DDAH1: variants seen among roughly 807,000 people sequenced by gnomAD.
DDAH1 encodes the protein dimethylarginine dimethylaminohydrolase 1, also known as N(G),N(G)-dimethylarginine dimethylaminohydrolase 1.
A neutral mutation model predicts 28.8 loss-of-function variants in DDAH1; 19 were observed. The ratio of observed to expected loss-of-function variants is 0.66; its 90% CI spans 0.46 to 0.97. DDAH1 has a LOEUF of 0.97. Among genes scored for constraint, DDAH1 ranks in the 50% least tolerant of loss-of-function variants. The pLI is 0.00. For synonymous variants in DDAH1, 153 were observed against 154.4 expected, an observed-to-expected ratio of 0.99 and a Z score of 0.07; for missense variants, 326 against 375.9, an observed-to-expected ratio of 0.87 and a Z score of 1.10.
At position 85,465,004 on chromosome 1, in the gene DDAH1, G is replaced by A. The variant is rs761217562; in HGVS notation, c.42C>T (p.Thr14=). 1.5e-6 allele frequency: 2 copies of A among 1,362,300 alleles called. No individual in the cohort carries two copies. Among genetic ancestry groups the A allele is most frequent in the South Asian group, 3.6e-5 (2 of 56,098 alleles). 84.4% of individuals were successfully genotyped at this position (1,362,300 alleles called of 1,614,324 possible). ...CGGGTAGCGCCCGCACCACGGCGTG[G>A]GTGGCCCGGCCGAAGGCGGCGGGGT... ...LGHPAAFGRA[T]HAVVRALPES... The change falls in exon 1 of 6, where the codon ACC becomes ACT. Residue 14 remains threonine (T), a synonymous_variant. Transcript: ENST00000284031.
rs1427485138 is a variant in DDAH1, at chr1:85,536,000, CTTGTAATCCCATCACT to C, written c.-122-39735_-122-39720del. 3.0e-4 allele frequency among the ~76,000 whole-genome samples: 46 copies of C among 152,282 alleles called. No homozygotes were observed. In the East Asian group the frequency reaches 8.5e-3, roughly 28 times the overall value. On this transcript the variant is annotated intron_variant, in intron 1 of 6. Transcript: ENST00000426972. ...ACGAGGCCGGGTGTGGTGGCTTGTG[CTTGTAATCCCATCACT>C]TTGGGAGGCTAAGTTGGGCGGATCA...
At chr1:85,470,948 G>A (rs1655597247) in intron 2 of DDAH1, among the ~76,000 whole-genome samples, 1 of 152,178 alleles carries the variant, frequency 6.6e-6, no homozygotes, top group South Asian at 2.1e-4. Flanking sequence ...TTTGATTCCT[G>A]GCCCTCCTAC....
At position 85,385,954 on chromosome 1, in the gene DDAH1, C is replaced by A. The variant is rs557819496; in HGVS notation, c.304-27107G>T. 1.6e-4 allele frequency among the ~76,000 whole-genome samples: 25 copies of A among 152,100 alleles called. 1 individual carries two copies. The South Asian group carries it at 2.3e-3, about 14-fold the overall frequency. ...GAGGAGAGAGAGGGAAGGAAGATGC[C>A]AGGCTCTTTTTAACAAGCAGCTCTT... On this transcript the variant is annotated intron_variant, in intron 1 of 5. Coordinates refer to ENST00000284031, the MANE Select transcript of DDAH1 (RefSeq NM_012137.4).
intron 1 of DDAH1, among the ~76,000 whole-genome samples, chr1:85,361,164 C>T (rs1320590692): frequency 2.0e-5 from 3 of 152,216 alleles, no homozygotes; most frequent in Non-Finnish European, 2.9e-5. Context: ...ACCACACACT[C>T]TTGGCATTGA....
chr1:85,502,812 C>A (rs962722659), intron 1 of DDAH1, among the ~76,000 whole-genome samples: 1 of 152,192 alleles, frequency 6.6e-6, no homozygotes, highest in African/African-American at 2.4e-5. Flanking sequence ...GATAGCCCTG[C>A]CTCTCCTGCC....
rs1305102175 is a variant in DDAH1, at chr1:85,401,576, T to C, written c.304-42729A>G. Among the ~76,000 whole-genome samples, 13 of 150,728 alleles carry C rather than the reference T, an allele frequency of 8.6e-5. No individual in the cohort carries two copies. In the East Asian group the frequency reaches 2.4e-3, roughly 27 times the overall value. On this transcript the variant is annotated intron_variant, in intron 1 of 5. Coordinates refer to ENST00000284031, the MANE Select transcript of DDAH1 (RefSeq NM_012137.4). ...GTACAGTCGCATGACCAAGGTTCACTGTCACCTTGATCTCCTGGGCCCAAG... is the reference window on the plus strand; with the variant it reads ...GTACAGTCGCATGACCAAGGTTCACCGTCACCTTGATCTCCTGGGCCCAAG...
At chr1:85,432,399 G>C (rs1455360926) in intron 1 of DDAH1, among the ~76,000 whole-genome samples, 1 of 152,138 alleles carries the variant, frequency 6.6e-6, no homozygotes, top group Non-Finnish European at 1.5e-5. Context: ...AGCAACACTA[G>C]AACAGAGATA....
At chr1:85,535,948 A>C (rs1570652616) in intron 1 of DDAH1, among the ~76,000 whole-genome samples, 1 of 152,214 alleles carries the variant, frequency 6.6e-6, no homozygotes, top group Non-Finnish European at 1.5e-5. Flanking sequence ...AGCATCAGTA[A>C]TCATCAGGGA....
chr1:85,364,358 T>G (rs1649949638), intron 1 of DDAH1, among the ~76,000 whole-genome samples: 1 of 152,180 alleles, frequency 6.6e-6, no homozygotes, highest in Admixed American at 6.5e-5. Flanking sequence ...ATGAAATTTC[T>G]GTATATTAGG....
intron 1 of DDAH1, among the ~76,000 whole-genome samples, chr1:85,556,654 T>C (rs186228281): frequency 4.1e-4 from 63 of 152,246 alleles, no homozygotes; most frequent in Non-Finnish European, 5.4e-4. Context: ...ATAAAGGAGA[T>C]ATAGGATTTA....
intron 1 of DDAH1, among the ~76,000 whole-genome samples, chr1:85,568,143 T>C (rs1382746298): frequency 6.6e-6 from 1 of 152,078 alleles, no homozygotes; most frequent in Non-Finnish European, 1.5e-5. Context: ...TAAAAACATG[T>C]CAAAATATGT....
intron 1 of DDAH1, among the ~76,000 whole-genome samples, chr1:85,504,635 C>A (rs1656943968): frequency 6.6e-6 from 1 of 152,062 alleles, no homozygotes; most frequent in Non-Finnish European, 1.5e-5. Context: ...CATTTAGTCC[C>A]CAGAACAACA....
chr1:85,539,050 G>A (rs1237112755), intron 1 of DDAH1, among the ~76,000 whole-genome samples: 1 of 151,972 alleles, frequency 6.6e-6, no homozygotes, highest in Non-Finnish European at 1.5e-5. Context: ...TGCAGCCAAG[G>A]CTTCAATTAC....
chr1:85,508,112 T>C (rs1362135700), intron 1 of DDAH1, among the ~76,000 whole-genome samples: 2 of 152,230 alleles, frequency 1.3e-5, no homozygotes, highest in African/African-American at 4.8e-5. Flanking sequence ...TTCTCCTTTG[T>C]ACTTTTTACA....
chr1:85,323,426 C>T (rs1369793986), intron 5 of DDAH1, among the ~76,000 whole-genome samples: 1 of 152,126 alleles, frequency 6.6e-6, no homozygotes, highest in South Asian at 2.1e-4. Flanking sequence ...ATAGATGAGA[C>T]TGGCAGAGTA....
intron 1 of DDAH1, among the ~76,000 whole-genome samples, chr1:85,441,413 C>T (rs140600716): frequency 3.3e-5 from 5 of 152,148 alleles, no homozygotes; most frequent in Admixed American, 6.5e-5. Flanking sequence ...TGGTGGCATG[C>T]GCCTGTAGTC....
intron 1 of DDAH1, among the ~76,000 whole-genome samples, chr1:85,448,729 A>G (rs549997515): frequency 5.5e-4 from 84 of 152,342 alleles, no homozygotes; most frequent in Non-Finnish European, 1.0e-3. Context: ...TCTTTTATAA[A>G]AAAACCCCAC....
chr1:85,370,677 G>A (rs1479028151), intron 1 of DDAH1, among the ~76,000 whole-genome samples: 2 of 152,174 alleles, frequency 1.3e-5, no homozygotes, highest in African/African-American at 4.8e-5. Flanking sequence ...AATGTGTTCT[G>A]GAGGGTGGAC....
At chr1:85,381,907 C>T (rs1570461967) in intron 1 of DDAH1, among the ~76,000 whole-genome samples, 2 of 152,204 alleles carry the variant, frequency 1.3e-5, no homozygotes, top group South Asian at 4.2e-4. Flanking sequence ...TGTGTTCTGA[C>T]TACTCCATTG....
Sources: allele counts gnomAD v4.1 joint callset (sites outside exome capture counted in the v4.1 genomes callset), GRCh38; gene constraint gnomAD v4.1.1; transcripts MANE v1.5; gene names NCBI Gene and HGNC (gene_info 2026-07-23, HGNC 2026-07-21).